NAV2: variants seen among roughly 807,000 people sequenced by gnomAD.
The protein encoded by NAV2 is helicase, APC down-regulated 1.
In NAV2, 54 loss-of-function variants were observed where a neutral mutation model predicts 223.2. The ratio of observed to expected loss-of-function variants is 0.24; its 90% confidence interval spans 0.19 to 0.30. NAV2 has a LOEUF of 0.30. NAV2 is among the 10% of genes least tolerant of loss of function. The pLI is 1.00. For synonymous variants in NAV2, 1,279 were observed against 1,239.3 expected, an observed-to-expected ratio of 1.03 and a Z score of -0.67; for missense variants, 2,806 against 3,147.5, an observed-to-expected ratio of 0.89 and a Z score of 2.60.
chr11:19,816,860 G>C (rs11025265), intron 1 of NAV2, among the ~76,000 whole-genome samples: 21 of 151,918 alleles, frequency 1.4e-4, no homozygotes, highest in African/African-American at 5.1e-4. Context: ...AGGCCCTTCC[G>C]CCTCCCTCTT....
intron 1 of NAV2, among the ~76,000 whole-genome samples, chr11:19,684,663 C>G (rs73426651): frequency 2.6e-5 from 4 of 152,176 alleles, no homozygotes; most frequent in African/African-American, 4.8e-5. Flanking sequence ...AAGGCCCCCC[C>G]ACACTGCAAG....
At chr11:19,522,303 A>C (rs947009472) in intron 1 of NAV2, among the ~76,000 whole-genome samples, 2 of 152,130 alleles carry the variant, frequency 1.3e-5, no homozygotes, top group African/African-American at 2.4e-5. Context: ...CAAGCCCACC[A>C]CTGGAGGAGG....
At chr11:20,033,956 A>C (rs1442207936) in intron 11 of NAV2, among the ~76,000 whole-genome samples, 5 of 152,232 alleles carry the variant, frequency 3.3e-5, no homozygotes, top group Non-Finnish European at 7.3e-5. Context: ...AGGTTAAGTC[A>C]ATGCTTTGGT....
At chr11:19,579,090 T>A (rs1193732380) in intron 1 of NAV2, among the ~76,000 whole-genome samples, 1 of 152,168 alleles carries the variant, frequency 6.6e-6, no homozygotes, top group African/African-American at 2.4e-5. Context: ...AAAAGCCATA[T>A]GATGTGTACG....
At chr11:19,948,080 T>C (rs1486996826) in intron 9 of NAV2, among the ~76,000 whole-genome samples, 2 of 150,608 alleles carry the variant, frequency 1.3e-5, no homozygotes, top group Non-Finnish European at 3.0e-5. Flanking sequence ...GAAAGAAAAT[T>C]CTTATTTTTT....
intron 1 of NAV2, among the ~76,000 whole-genome samples, chr11:19,495,577 T>C (rs2042767317): frequency 6.6e-6 from 1 of 152,198 alleles, no homozygotes; most frequent in African/African-American, 2.4e-5. Flanking sequence ...TTTATTCTGT[T>C]ATCCATCCAT....
chr11:19,378,370 C>T (rs117677587), intron 1 of NAV2, among the ~76,000 whole-genome samples: 4,888 of 152,222 alleles, frequency 0.032, 132 homozygotes, highest in Non-Finnish European at 0.045. Context: ...TATTCCTTGG[C>T]AACATGCCCC....
chr11:19,867,782 T>G (rs1200714332), intron 3 of NAV2, among the ~76,000 whole-genome samples: 2 of 152,148 alleles, frequency 1.3e-5, no homozygotes, highest in African/African-American at 4.8e-5. Context: ...TTAAAGCACT[T>G]GGAAGATGTG....
intron 1 of NAV2, among the ~76,000 whole-genome samples, chr11:19,680,697 T>C (rs1325038416): frequency 6.6e-6 from 1 of 152,234 alleles, no homozygotes; most frequent in African/African-American, 2.4e-5. Flanking sequence ...GGGATAATAA[T>C]GCCTATATAA....
chr11:19,779,334 A>G (rs2056556070), intron 1 of NAV2, among the ~76,000 whole-genome samples: 1 of 152,234 alleles, frequency 6.6e-6, no homozygotes, highest in African/African-American at 2.4e-5. Flanking sequence ...AGGAAGAGGC[A>G]TGACTGGGTC....
intron 1 of NAV2, among the ~76,000 whole-genome samples, chr11:19,700,227 G>T (rs2049472621): frequency 6.6e-6 from 1 of 152,152 alleles, no homozygotes; most frequent in Non-Finnish European, 1.5e-5. Context: ...ATGAGGGAGG[G>T]ACTGTTATAA....
chr11:19,812,658 A>G (rs2058890889), intron 1 of NAV2, among the ~76,000 whole-genome samples: 1 of 152,054 alleles, frequency 6.6e-6, no homozygotes, highest in African/African-American at 2.4e-5. Flanking sequence ...GAGCAAAGAT[A>G]TTGCATTTCA....
intron 1 of NAV2, among the ~76,000 whole-genome samples, chr11:19,521,938 T>G (rs938719125): frequency 2.0e-5 from 3 of 152,212 alleles, no homozygotes. Context: ...AGGCAGAATT[T>G]GGCAGGGGCT....
chr11:19,669,791 A>G (rs2048527000), intron 1 of NAV2, among the ~76,000 whole-genome samples: 1 of 152,224 alleles, frequency 6.6e-6, no homozygotes, highest in Non-Finnish European at 1.5e-5. Flanking sequence ...TTTTAAGGAC[A>G]AGTGCCAATG....
At chr11:19,444,028 A>C (rs981349232) in intron 1 of NAV2, among the ~76,000 whole-genome samples, 2 of 152,098 alleles carry the variant, frequency 1.3e-5, no homozygotes, top group Non-Finnish European at 2.9e-5. Context: ...TCTGCTTCCC[A>C]GGTTCAAGTG....
intron 1 of NAV2, among the ~76,000 whole-genome samples, chr11:19,582,394 C>T (rs1345025169): frequency 6.6e-6 from 1 of 152,106 alleles, no homozygotes; most frequent in African/African-American, 2.4e-5. Context: ...TCAATTTTGT[C>T]TTTTGTTGCC....
intron 10 of NAV2, among the ~76,000 whole-genome samples, chr11:19,976,285 C>G (rs941772979): frequency 3.9e-5 from 6 of 152,210 alleles, no homozygotes; most frequent in African/African-American, 1.4e-4. Flanking sequence ...GTTGAAACTA[C>G]TGCTCCATGG....
rs1181365307 is a variant in NAV2, at chr11:19,776,045, C to T, written c.268-56439C>T. Among the ~76,000 whole-genome samples the T allele has an allele frequency of 2.0e-5, 3 of 152,180 alleles. 1 individual carries two copies. The highest frequency in any genetic ancestry group is 1.3e-4 in the Admixed American group (2 of 15,284). ...TAGGACCAATTTTATCACCTTTCCT[C>T]ATTATGAACAGTTTTGACTACGGAA... On this transcript the variant is annotated intron_variant, in intron 1 of 37. Coordinates refer to ENST00000349880, the MANE Select transcript of NAV2 (RefSeq NM_145117.5).
chr11:19,799,676 A>C (rs1384618401), intron 1 of NAV2, among the ~76,000 whole-genome samples: 1 of 152,086 alleles, frequency 6.6e-6, no homozygotes, highest in Non-Finnish European at 1.5e-5. Flanking sequence ...ACAGTCCAGC[A>C]TTTACTTGTT....
Sources: gnomAD v4.1 joint callset for allele counts (sites outside exome capture counted in the v4.1 genomes callset) on GRCh38, gnomAD v4.1.1 for gene constraint, MANE v1.5 for transcripts, NCBI Gene and HGNC (gene_info 2026-07-23, HGNC 2026-07-21) for gene names.